Variants in EEFSEC observed in about 807,000 individuals in gnomAD.
EEFSEC encodes the protein selenocysteine-specific elongation factor.
In EEFSEC, 43 loss-of-function variants were observed where a neutral mutation model predicts 42.1. The ratio of observed to expected loss-of-function variants is 1.02; its 90% CI spans 0.80 to 1.32. EEFSEC has a LOEUF of 1.32. Among genes scored for constraint, EEFSEC ranks in the 40% most tolerant of loss-of-function variants. The probability of loss-of-function intolerance (pLI) is 0.00; values close to 1 mark genes in which losing one functional copy is unlikely to be tolerated. For synonymous variants in EEFSEC, 354 were observed against 339.1 expected (o/e 1.04, Z -0.48); for missense variants, 745 against 803.6 (o/e 0.93, Z 0.88).
intron 5 of EEFSEC, among the ~76,000 whole-genome samples, chr3:128,352,800 C>G (rs1053697870): frequency 2.0e-5 from 3 of 152,268 alleles, no homozygotes; most frequent in African/African-American, 4.8e-5. Context: ...TCCAGCAACT[C>G]TGTTTCCCCA....
chr3:128,276,915 G>A (rs1306997378), intron 4 of EEFSEC, among the ~76,000 whole-genome samples: 2 of 152,230 alleles, frequency 1.3e-5, no homozygotes, highest in African/African-American at 2.4e-5. Flanking sequence ...AAGGGGAGAC[G>A]CTGTGGGACA....
At chr3:128,354,254 C>T (rs1405317892) in intron 5 of EEFSEC, among the ~76,000 whole-genome samples, 1 of 152,148 alleles carries the variant, frequency 6.6e-6, no homozygotes, top group Admixed American at 6.6e-5. Context: ...ATGCTTCACC[C>T]ACTCAGCACT....
chr3:128,399,608 C>T (rs539255641), intron 6 of EEFSEC, among the ~76,000 whole-genome samples: 89 of 152,154 alleles, frequency 5.8e-4, no homozygotes, highest in African/African-American at 1.8e-3. Flanking sequence ...CAGCCAGCGA[C>T]GTTAAAGGCT....
chr3:128,190,239 G>C (rs1450689269), intron 1 of EEFSEC, among the ~76,000 whole-genome samples: 1 of 152,228 alleles, frequency 6.6e-6, no homozygotes, highest in Non-Finnish European at 1.5e-5. Flanking sequence ...TCCAGGAGAA[G>C]GCATTGTCAT....
At chr3:128,154,992 A>G (rs1313663528) in intron 1 of EEFSEC, among the ~76,000 whole-genome samples, 2 of 152,248 alleles carry the variant, frequency 1.3e-5, no homozygotes, top group Non-Finnish European at 2.9e-5. Flanking sequence ...ATACATGAAT[A>G]CATGCTACTT....
chr3:128,324,787 T>G (rs1421503321), intron 4 of EEFSEC, among the ~76,000 whole-genome samples: 1 of 152,194 alleles, frequency 6.6e-6, no homozygotes, highest in African/African-American at 2.4e-5. Flanking sequence ...AGTTTAAGAT[T>G]GAGACACTGA....
At chr3:128,192,835 GGTA>G (rs1252894806) in intron 1 of EEFSEC, among the ~76,000 whole-genome samples, 1 of 152,130 alleles carries the variant, frequency 6.6e-6, no homozygotes, top group Non-Finnish European at 1.5e-5. Context: ...GAAATTGGTG[GGTA>G]GTAGTAATAA....
downstream of EEFSEC, among the ~76,000 whole-genome samples, chr3:128,411,314 GAC>G (rs1019763342): frequency 1.1e-4 from 17 of 152,220 alleles, no homozygotes; most frequent in Non-Finnish European, 1.6e-4. Flanking sequence ...TGCAGCCACC[GAC>G]ACAGGTAAAC....
At chr3:128,265,096 C>T (rs1319301785) in intron 4 of EEFSEC, among the ~76,000 whole-genome samples, 2 of 152,142 alleles carry the variant, frequency 1.3e-5, no homozygotes, top group Non-Finnish European at 2.9e-5. Context: ...GTGAGGTGGG[C>T]TTGAGATCAC....
At chr3:128,392,967 G>C (rs1576698281) in intron 6 of EEFSEC, among the ~76,000 whole-genome samples, 2 of 152,362 alleles carry the variant, frequency 1.3e-5, no homozygotes, top group Middle Eastern at 3.4e-3. Context: ...AGGGTCTTCA[G>C]AAGACAGGGG....
chr3:128,168,037 T>C (rs1356817931), intron 1 of EEFSEC, among the ~76,000 whole-genome samples: 2 of 152,200 alleles, frequency 1.3e-5, no homozygotes, highest in African/African-American at 4.8e-5. Context: ...AAGAGCATTG[T>C]CTAGGGCGTC....
At chr3:128,415,516 G>T in the EEFSEC span, among the ~76,000 whole-genome samples, 1 of 152,174 alleles carries the variant, frequency 6.6e-6, no homozygotes, top group Non-Finnish European at 1.5e-5. Flanking sequence ...AGTCAGCAGC[G>T]CCTCACTGCC....
intron 4 of EEFSEC, among the ~76,000 whole-genome samples, chr3:128,274,112 T>C (rs1374764035): frequency 6.6e-6 from 1 of 152,164 alleles, no homozygotes; most frequent in Admixed American, 6.5e-5. Context: ...AAAGCCTGAG[T>C]GCAGCCACCA....
At chr3:128,393,069 G>A (rs771945526) in intron 6 of EEFSEC, among the ~76,000 whole-genome samples, 7 of 152,212 alleles carry the variant, frequency 4.6e-5, no homozygotes, top group Admixed American at 1.3e-4. Flanking sequence ...TTTTCCCAGC[G>A]CCCAGGCACC....
intron 5 of EEFSEC, among the ~76,000 whole-genome samples, chr3:128,355,674 C>T (rs766129233): frequency 2.8e-4 from 42 of 149,706 alleles, no homozygotes; most frequent in South Asian, 4.2e-4. Flanking sequence ...ACAACTACAA[C>T]CATGTATTCT....
At chr3:128,420,280 T>C in the EEFSEC span, among the ~76,000 whole-genome samples, 1 of 152,234 alleles carries the variant, frequency 6.6e-6, no homozygotes, top group Admixed American at 6.5e-5. Context: ...ACGAGGATCA[T>C]TTCAATGCAG....
chr3:128,224,255 G>A (rs537220244), intron 1 of EEFSEC, among the ~76,000 whole-genome samples: 17 of 152,234 alleles, frequency 1.1e-4, no homozygotes, highest in Middle Eastern at 3.4e-3. Flanking sequence ...TTTAGTTGGC[G>A]TTAGTGAAAT....
At chr3:128,351,383 T>C (rs1194193903) in intron 5 of EEFSEC, among the ~76,000 whole-genome samples, 4 of 152,212 alleles carry the variant, frequency 2.6e-5, no homozygotes, top group East Asian at 1.9e-4. Context: ...CCCCTGATCC[T>C]AACAACAACC....
intron 2 of EEFSEC, among the ~76,000 whole-genome samples, chr3:128,250,610 A>C (rs2066175248): frequency 6.6e-6 from 1 of 152,286 alleles, no homozygotes. Context: ...GTCTGTCCTT[A>C]GGCTAGTGCC....
Sources: allele counts gnomAD v4.1 joint callset (sites outside exome capture counted in the v4.1 genomes callset), GRCh38; gene constraint gnomAD v4.1.1; transcripts MANE v1.5; gene names NCBI Gene and HGNC (gene_info 2026-07-23, HGNC 2026-07-21).